Variants in RYR2 observed in about 807,000 individuals in gnomAD.
RYR2 encodes the protein ryanodine receptor 2.
Under a neutral mutation model 601.1 loss-of-function variants are expected in RYR2, and 227 were observed. The observed-to-expected ratio is 0.38, with a 90% confidence interval of 0.34 to 0.42. The LOEUF (loss-of-function observed/expected upper bound fraction) is 0.42. Among genes scored for constraint, RYR2 ranks in the 10% least tolerant of loss-of-function variants. RYR2 has a pLI of 1.00. For missense variants in RYR2, 4,646 were observed against 6,156.5 expected (o/e 0.75, Z 8.21); for synonymous variants, 2,223 against 2,175.1 (o/e 1.02, Z -0.61).
chr1:237,535,599 G>A (rs914034999), intron 25 of RYR2, among the ~76,000 whole-genome samples: 2 of 151,746 alleles, frequency 1.3e-5, no homozygotes, highest in Non-Finnish European at 2.9e-5. Flanking sequence ...TTTATTTTCT[G>A]ATGATATGAT....
chr1:237,569,899 A>G (rs1247188557), intron 29 of RYR2, among the ~76,000 whole-genome samples: 1 of 152,124 alleles, frequency 6.6e-6, no homozygotes, highest in East Asian at 1.9e-4. Flanking sequence ...TGGGGCCCCG[A>G]GATGGCCTTT....
At chr1:237,176,821 G>A (rs1678109969) in intron 1 of RYR2, among the ~76,000 whole-genome samples, 1 of 152,094 alleles carries the variant, frequency 6.6e-6, no homozygotes, top group Non-Finnish European at 1.5e-5. Context: ...TTATTGCTGT[G>A]TGTCTGGTAA....
chr1:237,520,447 A>G (rs947134337), intron 24 of RYR2, among the ~76,000 whole-genome samples: 3 of 152,158 alleles, frequency 2.0e-5, no homozygotes, highest in African/African-American at 4.8e-5. Context: ...AGATTGTTGT[A>G]TATGGCCTTT....
chr1:237,319,065 C>G (rs185442822), intron 2 of RYR2, among the ~76,000 whole-genome samples: 309 of 151,908 alleles, frequency 2.0e-3, no homozygotes, highest in Non-Finnish European at 3.6e-3. Flanking sequence ...ATCACTGATT[C>G]TTCTTCAATC....
chr1:237,383,882 T>C (rs986031489), intron 8 of RYR2, among the ~76,000 whole-genome samples: 1 of 152,172 alleles, frequency 6.6e-6, no homozygotes, highest in Non-Finnish European at 1.5e-5. Context: ...GGTGCTACTA[T>C]ATTTTTGTGT....
chr1:237,289,777 C>T (rs542298145), intron 2 of RYR2, among the ~76,000 whole-genome samples: 4 of 152,074 alleles, frequency 2.6e-5, no homozygotes, highest in Non-Finnish European at 5.9e-5. Context: ...AATTCAGATA[C>T]TTTACAGAAA....
intron 1 of RYR2, among the ~76,000 whole-genome samples, chr1:237,239,968 CCTCT>C (rs1230763800): frequency 3.3e-5 from 5 of 152,076 alleles, no homozygotes; most frequent in Non-Finnish European, 5.9e-5. Context: ...AATATCTTTC[CCTCT>C]CTCTCTTTCT....
chr1:237,692,333 T>G (rs1168528664), intron 63 of RYR2, among the ~76,000 whole-genome samples: 3 of 152,214 alleles, frequency 2.0e-5, no homozygotes, highest in Non-Finnish European at 4.4e-5. Flanking sequence ...GCTTGTACTA[T>G]TGCAGGAGCA....
chr1:237,367,855 C>G (rs571948887), intron 5 of RYR2, among the ~76,000 whole-genome samples: 45 of 152,296 alleles, frequency 3.0e-4, no homozygotes, highest in Admixed American at 1.3e-3. Context: ...TTCCCCATAT[C>G]CAGTTTTTCA....
At chr1:237,162,529 T>C (rs1012431485) in intron 1 of RYR2, among the ~76,000 whole-genome samples, 2 of 152,094 alleles carry the variant, frequency 1.3e-5, no homozygotes, top group Admixed American at 6.6e-5. Flanking sequence ...GCAATCCAAA[T>C]ATTGTATTAA....
intron 24 of RYR2, among the ~76,000 whole-genome samples, chr1:237,518,956 T>C (rs2147841128): frequency 6.6e-6 from 1 of 152,334 alleles, no homozygotes; most frequent in East Asian, 1.9e-4. Flanking sequence ...TTTTTAAGAA[T>C]AGCCATTCTG....
chr1:237,142,418 A>G (rs1297356007), intron 1 of RYR2, among the ~76,000 whole-genome samples: 1 of 152,218 alleles, frequency 6.6e-6, no homozygotes, highest in Non-Finnish European at 1.5e-5. Context: ...AAATGGCCTC[A>G]TGCTCCATTT....
intron 100 of RYR2, among the ~76,000 whole-genome samples, chr1:237,815,048 A>T (rs1015153521): frequency 2.7e-5 from 4 of 149,356 alleles, no homozygotes; most frequent in African/African-American, 9.9e-5. Context: ...CCTAAAGCCA[A>T]TAGAAACTAT....
At chr1:237,826,672 G>C (rs2102905200) in intron 101 of RYR2, among the ~76,000 whole-genome samples, 1 of 152,208 alleles carries the variant, frequency 6.6e-6, no homozygotes. Flanking sequence ...CAAGTACCCA[G>C]TCTAATACCT....
At chr1:237,806,405 T>C (rs1574035065) in intron 99 of RYR2, 122 bp downstream of exon 99, 1 of 910,736 alleles carries the variant, frequency 1.1e-6, no homozygotes, top group East Asian at 2.6e-5. Context: ...GAAGGGAGGG[T>C]CTGCACCTGT....
chr1:237,316,019 A>G (rs1383655409), intron 2 of RYR2, among the ~76,000 whole-genome samples: 1 of 152,100 alleles, frequency 6.6e-6, no homozygotes, highest in Admixed American at 6.6e-5. Flanking sequence ...CTGGAGATGA[A>G]GAGATGGGGG....
intron 98 of RYR2, 34 bp from the exon 99 acceptor site, chr1:237,806,103 T>C (rs1266087468): frequency 1.1e-5 from 18 of 1,601,708 alleles, no homozygotes; most frequent in Non-Finnish European, 1.5e-5. Context: ...TTCTGTTTTC[T>C]GACATGTTCT....
At chr1:237,497,562 A>G (rs952300975) in intron 20 of RYR2, among the ~76,000 whole-genome samples, 2 of 152,174 alleles carry the variant, frequency 1.3e-5, no homozygotes, top group African/African-American at 4.8e-5. Context: ...TGATCTTGGC[A>G]TAGTTTATAA....
chr1:237,452,087 G>T (rs1658225011), intron 14 of RYR2, among the ~76,000 whole-genome samples: 1 of 101,068 alleles, frequency 9.9e-6, no homozygotes, highest in Non-Finnish European at 2.3e-5. Flanking sequence ...TTGTGTGTGT[G>T]TGTGTGTGTG....
Sources: gnomAD v4.1 joint callset for allele counts (sites outside exome capture counted in the v4.1 genomes callset) on GRCh38, gnomAD v4.1.1 for gene constraint, MANE v1.5 for transcripts, NCBI Gene and HGNC (gene_info 2026-07-23, HGNC 2026-07-21) for gene names.